Variants in STK32C observed in about 807,000 individuals in gnomAD.
STK32C encodes the protein serine/threonine-protein kinase 32C.
Under a neutral mutation model 56.5 loss-of-function variants are expected in STK32C, and 31 were observed. That is an observed-to-expected ratio of 0.55 (90% CI 0.41 to 0.74). The LOEUF is 0.74. STK32C is among the 30% of genes least tolerant of loss of function. The pLI is 0.00. For missense variants in STK32C, 544 were observed against 676.9 expected (o/e 0.80, Z 2.18); for synonymous variants, 309 against 289.4 (o/e 1.07, Z -0.69).
chr10:132,290,391 C>T (rs1488901917), intron 1 of STK32C, among the ~76,000 whole-genome samples: 3 of 152,246 alleles, frequency 2.0e-5, no homozygotes, highest in Non-Finnish European at 4.4e-5. Flanking sequence ...CCAGAGCGAA[C>T]ATAACCCGGC....
At chr10:132,293,112 G>A (rs1476457187) in intron 1 of STK32C, among the ~76,000 whole-genome samples, 1 of 152,268 alleles carries the variant, frequency 6.6e-6, no homozygotes, top group Admixed American at 6.5e-5. Context: ...GGTCAGTGCA[G>A]CGCGTGCATG....
intron 1 of STK32C, among the ~76,000 whole-genome samples, chr10:132,246,801 C>T (rs2063711683): frequency 6.6e-6 from 1 of 152,152 alleles, no homozygotes; most frequent in African/African-American, 2.4e-5. Flanking sequence ...CCCTGGCCTC[C>T]AGGACGAGCC....
At chr10:132,303,111 C>T (rs1447262990) in intron 1 of STK32C, among the ~76,000 whole-genome samples, 9 of 152,226 alleles carry the variant, frequency 5.9e-5, no homozygotes, top group African/African-American at 1.2e-4. Flanking sequence ...TCCCACAGGC[C>T]GGGAGCAGCA....
At chr10:132,259,109 G>T (rs1439277749) in intron 1 of STK32C, among the ~76,000 whole-genome samples, 1 of 149,118 alleles carries the variant, frequency 6.7e-6, no homozygotes, top group Non-Finnish European at 1.5e-5. Flanking sequence ...GGGTACTGGG[G>T]CACAGCTGGG....
chr10:132,318,651 A>G (rs2066351186), intron 1 of STK32C, among the ~76,000 whole-genome samples: 1 of 152,062 alleles, frequency 6.6e-6, no homozygotes, highest in Non-Finnish European at 1.5e-5. Context: ...AAAGAAAAGA[A>G]AAAACATTTC....
chr10:132,319,689 C>T (rs532250035), downstream of STK32C, among the ~76,000 whole-genome samples: 2 of 152,154 alleles, frequency 1.3e-5, no homozygotes, highest in Non-Finnish European at 2.9e-5. Flanking sequence ...CTGCAGACAG[C>T]TGTGGGAATG....
intron 1 of STK32C, among the ~76,000 whole-genome samples, chr10:132,249,493 C>G (rs957570395): frequency 2.0e-5 from 3 of 152,154 alleles, no homozygotes; most frequent in African/African-American, 7.2e-5. Flanking sequence ...CGCACCAGCG[C>G]CCCTGAGAAG....
chr10:132,250,274 G>A (rs1178494429), intron 1 of STK32C, among the ~76,000 whole-genome samples: 1 of 147,990 alleles, frequency 6.8e-6, no homozygotes. Context: ...CCACCCCGAG[G>A]GCAGGTGTGT....
At chr10:132,325,410 A>G (rs968044766) in intron 1 of STK32C, among the ~76,000 whole-genome samples, 10 of 152,080 alleles carry the variant, frequency 6.6e-5, no homozygotes, top group African/African-American at 1.2e-4. Flanking sequence ...AAAATTAGCC[A>G]GGCGTGGTGG....
intron 1 of STK32C, among the ~76,000 whole-genome samples, chr10:132,252,472 G>A (rs540900639): frequency 2.6e-4 from 39 of 152,376 alleles, no homozygotes; most frequent in African/African-American, 6.0e-4. Flanking sequence ...TGCTGTCAGC[G>A]CATCCTTCAC....
Position 132,254,653 on chromosome 10 carries a change from GAATC to G in STK32C, c.263-8702_263-8699del, listed in dbSNP as rs1470110745. Among the ~76,000 whole-genome samples the G allele has an allele frequency of 5.8e-5, 3 of 52,048 alleles. 1 individual carries two copies. Among genetic ancestry groups the G allele is most frequent in the Non-Finnish European group, 3.5e-5 (1 of 28,644 alleles). 34.1% of individuals were successfully genotyped at this position (52,048 alleles called of 152,430 possible). On this transcript the variant is annotated intron_variant, in intron 1 of 11. Coordinates refer to ENST00000298630, the MANE Select transcript of STK32C (RefSeq NM_173575.4). Reference sequence around the variant, plus strand: ...AAATAAGCCTGCCGCAGGGCGCCGGGAATCAGCACTATGTCACCCCGGCACAATG... The same window carrying G: ...AAATAAGCCTGCCGCAGGGCGCCGGGAGCACTATGTCACCCCGGCACAATG...
intron 1 of STK32C, among the ~76,000 whole-genome samples, chr10:132,247,535 G>A (rs557615211): frequency 3.9e-4 from 60 of 152,308 alleles, no homozygotes; most frequent in South Asian, 8.3e-4. Flanking sequence ...GAGGACGCCT[G>A]TGCTGGGCCC....
intron 1 of STK32C, among the ~76,000 whole-genome samples, chr10:132,288,036 T>C (rs2034603356): frequency 6.6e-6 from 1 of 151,578 alleles, no homozygotes; most frequent in South Asian, 2.1e-4. Flanking sequence ...TGTTCAGGAA[T>C]AAACCCACAA....
At chr10:132,291,673 AT>A (rs1231744536) in intron 1 of STK32C, among the ~76,000 whole-genome samples, 1 of 152,164 alleles carries the variant, frequency 6.6e-6, no homozygotes, top group African/African-American at 2.4e-5. Context: ...AGGCTGAGCT[AT>A]GCCAGGCTTC....
intron 10 of STK32C, among the ~76,000 whole-genome samples, chr10:132,210,683 C>T (rs1436240753): frequency 1.3e-5 from 2 of 152,248 alleles, no homozygotes; most frequent in Admixed American, 6.5e-5. Context: ...GCGTCACACT[C>T]GGACGTGCCC....
intron 1 of STK32C, among the ~76,000 whole-genome samples, chr10:132,276,005 G>A (rs761524324): frequency 2.6e-5 from 4 of 152,108 alleles, no homozygotes; most frequent in South Asian, 2.1e-4. Flanking sequence ...GAAGGCCCGC[G>A]AGGATGGAAG....
At chr10:132,280,649 CCATGATCACCACACTCCACT>C (rs2065162860) in intron 1 of STK32C, among the ~76,000 whole-genome samples, 1 of 150,680 alleles carries the variant, frequency 6.6e-6, no homozygotes, top group African/African-American at 2.4e-5. Context: ...ACACTCCACT[CCATGATCACCACACTCCACT>C]CCGTGATCAC....
At chr10:132,288,189 A>G (rs982980085) in intron 1 of STK32C, among the ~76,000 whole-genome samples, 4 of 152,156 alleles carry the variant, frequency 2.6e-5, no homozygotes, top group Admixed American at 2.6e-4. Flanking sequence ...AGAAGAGGGG[A>G]AAAAAATCCT....
exon 1 of STK32C, chr10:132,331,543 G>C (rs770672904): frequency 4.3e-6 from 7 of 1,612,830 alleles, no homozygotes; most frequent in Non-Finnish European, 5.9e-6. Context: ...GGCAAGATTT[G>C]GGGACAAGCA....
Sources: allele counts gnomAD v4.1 joint callset (sites outside exome capture counted in the v4.1 genomes callset), GRCh38; gene constraint gnomAD v4.1.1; transcripts MANE v1.5; gene names NCBI Gene and HGNC (gene_info 2026-07-23, HGNC 2026-07-21).